The following ZNF407 variants were observed in gnomAD, a reference collection of about 807,000 sequenced individuals.
The protein encoded by ZNF407 is zinc finger protein 407.
Under a neutral mutation model 131.2 loss-of-function variants are expected in ZNF407, and 17 were observed. That is an observed-to-expected ratio of 0.13 (90% CI 0.09 to 0.19). ZNF407 has a LOEUF of 0.19. ZNF407 is among the 10% of genes least tolerant of loss of function. The pLI is 1.00. For synonymous variants in ZNF407, 1,156 were observed against 1,062.0 expected, an observed-to-expected ratio of 1.09 and a Z score of -1.72; for missense variants, 2,681 against 2,830.6, an observed-to-expected ratio of 0.95 and a Z score of 1.20.
intron 4 of ZNF407, among the ~76,000 whole-genome samples, chr18:74,821,545 T>A (rs1970340701): frequency 6.6e-6 from 1 of 152,042 alleles, no homozygotes; most frequent in African/African-American, 2.4e-5. Context: ...CTTGTGTGAG[T>A]TTGCTGAGAA....
chr18:74,804,777 T>C (rs1352043767), intron 4 of ZNF407: 8 of 254,546 alleles, frequency 3.1e-5, no homozygotes, highest in Non-Finnish European at 4.9e-5. Flanking sequence ...AAAAATTTCT[T>C]TTCACAATTG....
intron 1 of ZNF407, among the ~76,000 whole-genome samples, chr18:74,611,526 G>A (rs1983059001): frequency 6.6e-6 from 1 of 152,194 alleles, no homozygotes; most frequent in African/African-American, 2.4e-5. Flanking sequence ...TTAGGGAAAT[G>A]CAAATTAGGA....
chr18:74,818,490 T>TAAAC (rs1324703987), intron 4 of ZNF407, among the ~76,000 whole-genome samples: 1 of 152,234 alleles, frequency 6.6e-6, no homozygotes, highest in Non-Finnish European at 1.5e-5. Context: ...CTGAGTTTGA[T>TAAAC]TTTTTGCACA....
chr18:74,954,109 C>T (rs1197278802), intron 8 of ZNF407, among the ~76,000 whole-genome samples: 1 of 152,098 alleles, frequency 6.6e-6, no homozygotes, highest in Non-Finnish European at 1.5e-5. Flanking sequence ...TTAATATGTT[C>T]AATATTTTAT....
Position 75,063,143 on chromosome 18 carries a change from C to T in ZNF407, c.5429-7C>T. On this transcript the variant is annotated splice_polypyrimidine_tract_variant and splice_region_variant and intron_variant, in intron 8 of 8. Coordinates refer to ENST00000299687, the MANE Select transcript of ZNF407 (RefSeq NM_017757.3). The surrounding 1 kb of genome is among the most constrained non-coding windows in gnomAD (Gnocchi z 6.6). ...TCCAGGCTCTAACTGGTCCCTGTCTCCCTTAGGCATTGTTTCCAAGTCGTA... is the reference window on the plus strand; with the variant it reads ...TCCAGGCTCTAACTGGTCCCTGTCTTCCTTAGGCATTGTTTCCAAGTCGTA... 15 of 1,566,274 alleles carry T rather than the reference C, an allele frequency of 9.6e-6. No individual in the cohort carries two copies. Among genetic ancestry groups the T allele is most frequent in the African/African-American group, 1.4e-5 (1 of 73,248 alleles).
rs938549687 is a variant in ZNF407, at chr18:74,902,448, A to G, written c.5249+12410A>G. 4.6e-4 allele frequency among the ~76,000 whole-genome samples: 70 copies of G among 152,316 alleles called. 1 individual carries two copies. The highest frequency in any genetic ancestry group is 1.5e-3 in the African/African-American group (64 of 41,566). ...TGGGAAAATGTCTTCCGGGAGTACTATATATTCCTTTAAAATAAGACGTTT... is the reference window on the plus strand; with the variant it reads ...TGGGAAAATGTCTTCCGGGAGTACTGTATATTCCTTTAAAATAAGACGTTT... On this transcript the variant is annotated intron_variant, in intron 7 of 8. Transcript: ENST00000299687.
chr18:74,946,386 G>A (rs1029518569), intron 8 of ZNF407, among the ~76,000 whole-genome samples: 17 of 152,050 alleles, frequency 1.1e-4, no homozygotes, highest in African/African-American at 2.7e-4. Context: ...CACATTTTTC[G>A]CAGCACTCTC....
intron 4 of ZNF407, among the ~76,000 whole-genome samples, chr18:74,815,544 C>T (rs567599657): frequency 7.9e-5 from 12 of 152,260 alleles, no homozygotes; most frequent in African/African-American, 2.4e-4. Flanking sequence ...CATACACTAG[C>T]AATATGGGAT....
chr18:75,020,023 C>T (rs564496706), intron 8 of ZNF407, among the ~76,000 whole-genome samples: 1 of 152,228 alleles, frequency 6.6e-6, no homozygotes, highest in East Asian at 1.9e-4. Flanking sequence ...ACCATACCAC[C>T]TAGTATCCAT....
intron 8 of ZNF407, among the ~76,000 whole-genome samples, chr18:75,009,237 A>AT (rs1972946590): frequency 6.6e-6 from 1 of 152,190 alleles, no homozygotes; most frequent in Admixed American, 6.5e-5. Context: ...TGTGAGTAGA[A>AT]TTTTTAAATT....
intron 8 of ZNF407, among the ~76,000 whole-genome samples, chr18:74,971,314 T>C (rs1289290641): frequency 6.6e-6 from 1 of 152,214 alleles, no homozygotes; most frequent in Non-Finnish European, 1.5e-5. Flanking sequence ...CAGCTTGAAT[T>C]TCTCCCAGAA....
chr18:74,871,546 T>G (rs913802890), intron 4 of ZNF407, among the ~76,000 whole-genome samples: 18 of 152,246 alleles, frequency 1.2e-4, no homozygotes, highest in South Asian at 6.2e-4. Context: ...TTACAGTAAT[T>G]TTTAGTCAAT....
At chr18:75,027,543 G>T in intron 8 of ZNF407, among the ~76,000 whole-genome samples, 1 of 152,164 alleles carries the variant, frequency 6.6e-6, no homozygotes, top group Admixed American at 6.5e-5. Context: ...CTTGTTAGTG[G>T]GTTGGATATG....
intron 7 of ZNF407, among the ~76,000 whole-genome samples, chr18:74,912,278 A>C (rs1971684691): frequency 6.6e-6 from 1 of 152,122 alleles, no homozygotes; most frequent in African/African-American, 2.4e-5. Flanking sequence ...CTAGTACTGT[A>C]GTTAACTCTA....
In ZNF407 at chr18:74,954,294, A is replaced by G. The variant is rs149059249; in HGVS notation, c.5428+33602A>G. Among the ~76,000 whole-genome samples, 839 of 152,334 alleles carry G rather than the reference A, an allele frequency of 5.5e-3. 9 individuals carry two copies. The highest frequency in any genetic ancestry group is 0.02 in the African/African-American group (814 of 41,584). ...TTACTTCTGAGTAATTATTTTCAAA[A>G]TAGATACTTGTGTTACTGTGATCTC... On this transcript the variant is annotated intron_variant, in intron 8 of 8. Coordinates refer to ENST00000299687, the MANE Select transcript of ZNF407 (RefSeq NM_017757.3).
At chr18:75,031,484 G>A (rs551485982) in intron 8 of ZNF407, among the ~76,000 whole-genome samples, 199 of 152,070 alleles carry the variant, frequency 1.3e-3, no homozygotes, top group Non-Finnish European at 2.5e-3. Flanking sequence ...ATATTAATTA[G>A]ACTTTTGTTT....
At chr18:74,799,896 AAAAAT>A (rs1242648667) in intron 4 of ZNF407, among the ~76,000 whole-genome samples, 1 of 144,510 alleles carries the variant, frequency 6.9e-6, no homozygotes, top group African/African-American at 2.7e-5. Context: ...TTGTTGAAAA[AAAAAT>A]CCTTTTTTTT....
intron 3 of ZNF407, among the ~76,000 whole-genome samples, chr18:74,659,580 T>C (rs1985623276): frequency 6.6e-6 from 1 of 152,124 alleles, no homozygotes; most frequent in Non-Finnish European, 1.5e-5. Flanking sequence ...GAGAAACAAA[T>C]AGATAAAACA....
intron 3 of ZNF407, among the ~76,000 whole-genome samples, chr18:74,697,595 T>C (rs1325199999): frequency 6.6e-6 from 1 of 152,202 alleles, no homozygotes; most frequent in African/African-American, 2.4e-5. Context: ...AATCATATAA[T>C]ACATGCCAGT....
Sources: gnomAD v4.1 joint callset for allele counts (sites outside exome capture counted in the v4.1 genomes callset) on GRCh38, gnomAD v4.1.1 for gene constraint, Gnocchi (gnomAD v3.1) non-coding constraint, MANE v1.5 for transcripts, NCBI Gene and HGNC (gene_info 2026-07-23, HGNC 2026-07-21) for gene names.